Variants in VPS53 observed in about 807,000 individuals in gnomAD.
VPS53 encodes vacuolar protein sorting-associated protein 53 homolog.
Under a neutral mutation model 107.0 loss-of-function variants are expected in VPS53, and 70 were observed. That is an observed-to-expected ratio of 0.65 (90% CI 0.54 to 0.80). The LOEUF (loss-of-function observed/expected upper bound fraction) is 0.80, where lower values mean the gene tolerates loss of function less well. Among genes scored for constraint, VPS53 ranks in the 30% least tolerant of loss-of-function variants. The pLI is 0.00. For missense variants in VPS53, 917 were observed against 1,049.4 expected (o/e 0.87, Z 1.74); for synonymous variants, 409 against 393.3 (o/e 1.04, Z -0.47).
chr17:658,463 T>C (rs955777316), intron 5 of VPS53, among the ~76,000 whole-genome samples: 7 of 146,724 alleles, frequency 4.8e-5, no homozygotes, highest in Admixed American at 1.4e-4. Context: ...AGTGAGAAAC[T>C]TGGCCGTGAG....
chr17:713,141 G>A (rs1367665805), intron 1 of VPS53, among the ~76,000 whole-genome samples: 1 of 151,446 alleles, frequency 6.6e-6, no homozygotes, highest in Non-Finnish European at 1.5e-5. Context: ...GTTCGAGGCT[G>A]CAGTGAGCTA....
chr17:598,869 TGG>T (rs1304710626), intron 12 of VPS53, among the ~76,000 whole-genome samples: 1 of 22,668 alleles, frequency 4.4e-5, no homozygotes, highest in Non-Finnish European at 8.9e-5. Flanking sequence ...GGGAGGGAGG[TGG>T]GGGGGTCAGC....
rs1199554963 is a variant in VPS53, at chr17:670,269, G to C, written c.286-8374C>G. 3.9e-5 allele frequency among the ~76,000 whole-genome samples: 6 copies of C among 152,268 alleles called. No homozygotes were observed. The East Asian group carries it at 1.2e-3, about 29-fold the overall frequency. On this transcript the variant is annotated intron_variant, in intron 4 of 21. Coordinates refer to ENST00000437048, the MANE Select transcript of VPS53 (RefSeq NM_001128159.3). ...GGAGCCACAGCCTGTATCTGACGGT[G>C]TTATAAAGCGGTGACTGCCGTGCTC... is the stretch of plus-strand genomic sequence containing the variant.
chr17:546,662 A>AT (rs573787612), intron 17 of VPS53, among the ~76,000 whole-genome samples: 19 of 152,188 alleles, frequency 1.2e-4, no homozygotes, highest in Non-Finnish European at 2.2e-4. Context: ...TCACAATGAG[A>AT]TACCACTTCA....
At chr17:667,842 C>T (rs530955135) in intron 4 of VPS53, among the ~76,000 whole-genome samples, 4 of 152,246 alleles carry the variant, frequency 2.6e-5, no homozygotes, top group Non-Finnish European at 4.4e-5. Context: ...TTCTGAGCTC[C>T]CCCTCCTCAG....
chr17:713,020 T>C (rs1973700053), intron 1 of VPS53, among the ~76,000 whole-genome samples: 1 of 152,134 alleles, frequency 6.6e-6, no homozygotes, highest in Non-Finnish European at 1.5e-5. Context: ...AAGTTGGTTG[T>C]ATAAGTAATC....
Position 653,373 on chromosome 17 carries a change from T to C in VPS53, c.526A>G (p.Asn176Asp), listed in dbSNP as rs1226251887. Residue 176 changes from asparagine to aspartate, a missense_variant, in exon 7 of 22, where the codon AAT (asparagine) becomes GAT (aspartate). Transcript: ENST00000437048. ...TRRRQYGEVANLLQGVMNVLE... is the reference protein window; with the variant it reads ...TRRRQYGEVADLLQGVMNVLE... ...ACATTCATCACACCCTGAAGGAGATTAGCAACTTCTCCGTATTGTCTTCGC... is the reference window on the plus strand; with the variant it reads ...ACATTCATCACACCCTGAAGGAGATCAGCAACTTCTCCGTATTGTCTTCGC... 1.9e-6 allele frequency: 3 copies of C among 1,614,126 alleles called. No homozygotes were observed. Among genetic ancestry groups the C allele is most frequent in the African/African-American group, 1.3e-5 (1 of 74,934 alleles).
rs773213482 is a variant in VPS53 at position 628,245 on chromosome 17, CAT to C, written c.688-16_688-15del. 3 of 1,611,992 alleles carry C rather than the reference CAT, an allele frequency of 1.9e-6. No individual in the cohort carries two copies. The highest frequency in any genetic ancestry group is 1.1e-5 in the South Asian group (1 of 90,466). On this transcript the variant is annotated splice_polypyrimidine_tract_variant and intron_variant, in intron 8 of 21. Transcript: ENST00000437048. ...TCCTCCTGGTCTCTAGTAAAACAAACATGTACCAGGTGAAAAGCCAGAAACAA... is the reference window on the plus strand; with the variant it reads ...TCCTCCTGGTCTCTAGTAAAACAAACGTACCAGGTGAAAAGCCAGAAACAA...
At chr17:640,010 G>T (rs1567698617) in intron 7 of VPS53, among the ~76,000 whole-genome samples, 1 of 152,198 alleles carries the variant, frequency 6.6e-6, no homozygotes, top group African/African-American at 2.4e-5. Flanking sequence ...GGAGTCTACA[G>T]AGGCAGGCAG....
chr17:519,216 G>T lies in VPS53; in HGVS notation c.2411C>A (p.Ser804Tyr). The T allele has an allele frequency of 6.5e-7, 1 of 1,549,816 alleles. No individual in the cohort carries two copies. The highest frequency in any genetic ancestry group is 8.7e-7 in the Non-Finnish European group (1 of 1,146,374). The change falls in exon 22 of 22, where the codon TCC becomes TAC. Residue 804 changes from serine (S) to tyrosine (Y), a missense_variant. Ser to Tyr is a moderately radical substitution (Grantham distance 144). Transcript: ENST00000437048. The surrounding 1 kb of genome is among the most constrained non-coding windows in gnomAD (Gnocchi z 5.0). ...TGGCGCCGTCAGGGACAGTGAGCCG[G>T]AGCTTTCTGCCCCCGAGGGCGGTGC... ...LPAPPSGAES[S>Y]GSLSLTAPTP...
chr17:533,097 G>T, intron 18 of VPS53, 186 bp from the exon 19 acceptor site: 1 of 1,029,076 alleles, frequency 9.7e-7, no homozygotes, highest in Non-Finnish European at 1.4e-6. Flanking sequence ...AGTTACATGA[G>T]GCCCTGGCAG....
intron 13 of VPS53, among the ~76,000 whole-genome samples, chr17:570,247 G>A (rs1008069072): frequency 6.7e-6 from 1 of 150,354 alleles, no homozygotes; most frequent in African/African-American, 2.4e-5. Flanking sequence ...GCGGGTACCT[G>A]TAATCCCAGC....
At chr17:592,709 T>C (rs1157510115) in intron 12 of VPS53, among the ~76,000 whole-genome samples, 1 of 152,218 alleles carries the variant, frequency 6.6e-6, no homozygotes, top group Admixed American at 6.5e-5. Flanking sequence ...ATGTTGAATA[T>C]TGGCCACCAC....
intron 17 of VPS53, among the ~76,000 whole-genome samples, chr17:541,171 C>G (rs1910607795): frequency 6.6e-6 from 1 of 152,188 alleles, no homozygotes; most frequent in African/African-American, 2.4e-5. Flanking sequence ...AGACTTTACT[C>G]AGGCACACAC....
intron 15 of VPS53, among the ~76,000 whole-genome samples, chr17:558,624 ACT>A (rs1384580682): frequency 1.3e-5 from 2 of 151,218 alleles, no homozygotes; most frequent in South Asian, 2.1e-4. Context: ...ACAGAGAGAG[ACT>A]CTGTTTCAAA....
intron 17 of VPS53, chr17:537,395 G>T: frequency 5.7e-6 from 3 of 525,542 alleles, no homozygotes; most frequent in Non-Finnish European, 1.0e-5. Flanking sequence ...GTGTGACCCA[G>T]ACCCTTTCCT....
At position 597,474 on chromosome 17, in the gene VPS53, C is replaced by G. The variant is rs188069238; in HGVS notation, c.1218+4321G>C. The stretch of plus-strand genomic sequence containing the variant: ...ATGGCGTGGGTGGAGGCATTAGTCA[C>G]TGGCATGTAAGTGTTATTACTAATC... On this transcript the variant is annotated intron_variant, in intron 12 of 21. Transcript: ENST00000437048. 7.9e-5 allele frequency among the ~76,000 whole-genome samples: 12 copies of G among 152,310 alleles called. No individual in the cohort carries two copies. The East Asian group carries it at 1.9e-3, about 24-fold the overall frequency.
chr17:651,523 C>T (rs1240059613), intron 7 of VPS53, among the ~76,000 whole-genome samples: 1 of 152,116 alleles, frequency 6.6e-6, no homozygotes, highest in Non-Finnish European at 1.5e-5. Context: ...CCCAGGAGTT[C>T]CAAGCTGCAG....
At chr17:644,604 G>A (rs922954175) in intron 7 of VPS53, among the ~76,000 whole-genome samples, 10 of 61,828 alleles carry the variant, frequency 1.6e-4, no homozygotes, top group African/African-American at 3.1e-4. Flanking sequence ...TTTTTCCCCC[G>A]AGACGGGTCT....
Sources: allele counts gnomAD v4.1 joint callset (sites outside exome capture counted in the v4.1 genomes callset), GRCh38; gene constraint gnomAD v4.1.1; non-coding constraint Gnocchi (gnomAD v3.1); transcripts MANE v1.5; gene names NCBI Gene and HGNC (gene_info 2026-07-23, HGNC 2026-07-21).